The following FYB1 variants were observed in gnomAD, a reference collection of about 807,000 sequenced individuals.
The protein encoded by FYB1 is FYN binding protein 1.
Under a neutral mutation model 94.1 loss-of-function variants are expected in FYB1, and 41 were observed. The ratio of observed to expected loss-of-function variants is 0.44; its 90% CI spans 0.34 to 0.57. FYB1 has a LOEUF of 0.57. FYB1 is among the 20% of genes least tolerant of loss of function. FYB1 has a pLI of 0.02. For missense variants in FYB1, 1,050 were observed against 976.8 expected, an observed-to-expected ratio of 1.07 and a Z score of -1.00; for synonymous variants, 367 against 353.2, an observed-to-expected ratio of 1.04 and a Z score of -0.44.
intron 2 of FYB1, chr5:39,170,295 ATCT>A (rs1194669833): frequency 1.7e-5 from 24 of 1,392,338 alleles, no homozygotes; most frequent in Non-Finnish European, 2.2e-5. Flanking sequence ...AGTTTAAAAG[ATCT>A]TCTGTCTTTC....
chr5:39,211,091 C>T (rs1228339278), intron 1 of FYB1: 1 of 152,106 alleles, frequency 6.6e-6, no homozygotes, highest in African/African-American at 2.4e-5. Context: ...GCCTGCATGA[C>T]CTGAAAATAC....
At chr5:39,141,199 T>A in intron 3 of FYB1, 58 bp from the exon 4 acceptor site, 1 of 1,102,814 alleles carries the variant, frequency 9.1e-7, no homozygotes, top group Admixed American at 2.3e-5. Flanking sequence ...CACCTTACAA[T>A]GAAAAAGGGA....
At chr5:39,221,232 G>A (rs1750245194), upstream of FYB1, among the ~76,000 whole-genome samples, 1 of 151,960 alleles carries the variant, frequency 6.6e-6, no homozygotes, top group African/African-American at 2.4e-5. Flanking sequence ...GGGATGCTGT[G>A]GGGGCCTGAG....
At chr5:39,240,762 C>A (rs1285516123) in intron 1 of FYB1, among the ~76,000 whole-genome samples, 2 of 152,076 alleles carry the variant, frequency 1.3e-5, no homozygotes, top group East Asian at 3.8e-4. Context: ...AGCAATGTGG[C>A]AATTTCTCAA....
At position 39,202,914 on chromosome 5, in the gene FYB1, A is replaced by C. The variant is rs1450183115; in HGVS notation, c.47T>G (p.Val16Gly). Residue 16 changes from valine to glycine, a missense_variant, in exon 2 of 19, where the codon GTC becomes GGC. By Grantham distance (109) the Val-to-Gly change is moderately radical. Coordinates refer to ENST00000512982, the MANE Select transcript of FYB1 (RefSeq NM_001465.6). The stretch of plus-strand genomic sequence containing the variant: ...TGTGACTCTGAAGGGTCGGCTATTG[A>C]CTGAGACATCCTCTGTCGGGTTGCC... ...TGGNPTEDVS[V>G]NSRPFRVTGP... 1 of 1,613,830 alleles carries C rather than the reference A, an allele frequency of 6.2e-7. No individual in the cohort carries two copies. Among genetic ancestry groups the C allele is most frequent in the East Asian group, 2.2e-5 (1 of 44,896 alleles).
intron 10 of FYB1, among the ~76,000 whole-genome samples, chr5:39,129,934 T>C (rs1741033399): frequency 6.6e-6 from 1 of 152,094 alleles, no homozygotes; most frequent in Admixed American, 6.6e-5. Context: ...AGAGAATCAG[T>C]ATATCAAATG....
chr5:39,193,353 A>C (rs935186807), intron 2 of FYB1, among the ~76,000 whole-genome samples: 3 of 152,234 alleles, frequency 2.0e-5, no homozygotes, highest in African/African-American at 7.2e-5. Context: ...GGGAAATTTC[A>C]GAGTGTCCCT....
chr5:39,250,183 G>T (rs535499960), intron 1 of FYB1, among the ~76,000 whole-genome samples: 1 of 152,216 alleles, frequency 6.6e-6, no homozygotes, highest in Admixed American at 6.5e-5. Context: ...AGCCAGTCTC[G>T]GCAGTTCTTT....
At chr5:39,259,070 G>T (rs559416319) in intron 1 of FYB1, among the ~76,000 whole-genome samples, 2 of 152,000 alleles carry the variant, frequency 1.3e-5, no homozygotes, top group South Asian at 4.1e-4. Context: ...TGGGGATTTT[G>T]CCCCCTCACA....
At chr5:39,220,156 C>T (rs1329009078), upstream of FYB1, among the ~76,000 whole-genome samples, 1 of 151,962 alleles carries the variant, frequency 6.6e-6, no homozygotes, top group Non-Finnish European at 1.5e-5. Context: ...TGCCTGTAAT[C>T]CCGGTACTTT....
At chr5:39,182,209 T>C (rs1579587075) in intron 2 of FYB1, among the ~76,000 whole-genome samples, 5 of 152,260 alleles carry the variant, frequency 3.3e-5, no homozygotes, top group Admixed American at 3.3e-4. Context: ...ATTCATCTTC[T>C]TATCATTCCT....
At chr5:39,258,674 G>A (rs892548956) in intron 1 of FYB1, among the ~76,000 whole-genome samples, 1 of 152,106 alleles carries the variant, frequency 6.6e-6, no homozygotes, top group Non-Finnish European at 1.5e-5. Flanking sequence ...GGAAATGCAG[G>A]AAAAGAGATG....
At chr5:39,248,674 T>C (rs913573928) in intron 1 of FYB1, among the ~76,000 whole-genome samples, 9 of 152,062 alleles carry the variant, frequency 5.9e-5, no homozygotes, top group African/African-American at 2.2e-4. Context: ...CCGTCTCTAC[T>C]AAAAATACAA....
chr5:39,261,403 T>C (rs1376317738), intron 1 of FYB1, among the ~76,000 whole-genome samples: 1 of 149,232 alleles, frequency 6.7e-6, no homozygotes, highest in African/African-American at 2.5e-5. Flanking sequence ...GCAAGAGTTA[T>C]GTGTACCCGT....
At chr5:39,178,436 A>G (rs918700665) in intron 2 of FYB1, among the ~76,000 whole-genome samples, 4 of 152,212 alleles carry the variant, frequency 2.6e-5, no homozygotes, top group Admixed American at 2.0e-4. Flanking sequence ...CTCAAATATC[A>G]TAGAACAAAT....
At chr5:39,230,245 A>G (rs1750661641) in intron 1 of FYB1, among the ~76,000 whole-genome samples, 1 of 152,206 alleles carries the variant, frequency 6.6e-6, no homozygotes, top group Non-Finnish European at 1.5e-5. Flanking sequence ...TTATACATGG[A>G]AGCAGATGGC....
At chr5:39,222,054 G>A (rs112994102), upstream of FYB1, among the ~76,000 whole-genome samples, 1,995 of 151,934 alleles carry the variant, frequency 0.013, 38 homozygotes, top group African/African-American at 0.043. Context: ...AAAATAAAAT[G>A]AAATAATCCT....
chr5:39,116,274 T>C lies in FYB1; in HGVS notation c.2401+2600A>G, dbSNP rs58169304. Among the ~76,000 whole-genome samples the C allele has an allele frequency of 3.1e-3, 470 of 152,282 alleles. 2 individuals carry two copies. The highest frequency in any genetic ancestry group is 0.011 in the African/African-American group (461 of 41,578). On this transcript the variant is annotated intron_variant, in intron 16 of 18. Coordinates refer to ENST00000512982, the MANE Select transcript of FYB1 (RefSeq NM_001465.6). ...GAAACTCTTTACATAAAAAGCAACA[T>C]GTATATAAGTGCTACCATATAACCA... is the stretch of plus-strand genomic sequence containing the variant.
upstream of FYB1, among the ~76,000 whole-genome samples, chr5:39,223,515 A>T (rs1750355091): frequency 6.6e-6 from 1 of 152,220 alleles, no homozygotes; most frequent in Non-Finnish European, 1.5e-5. Context: ...AATTAAATTT[A>T]AAAAAATCAT....
Sources: allele counts gnomAD v4.1 joint callset (sites outside exome capture counted in the v4.1 genomes callset), GRCh38; gene constraint gnomAD v4.1.1; transcripts MANE v1.5; gene names NCBI Gene and HGNC (gene_info 2026-07-23, HGNC 2026-07-21).